ARHGEF33: variants seen among roughly 807,000 people sequenced by gnomAD.
ARHGEF33 encodes Rho guanine nucleotide exchange factor 33, also known as DH and coiled-coil domain-containing protein ENSP00000381780.
Under a neutral mutation model 101.9 loss-of-function variants are expected in ARHGEF33, and 72 were observed. That is an observed-to-expected ratio of 0.71 (90% confidence interval 0.58 to 0.86). The LOEUF is 0.86. Among genes scored for constraint, ARHGEF33 ranks in the 40% least tolerant of loss-of-function variants. The pLI, the probability that ARHGEF33 is intolerant of heterozygous loss-of-function variation, is 0.00. For synonymous variants in ARHGEF33, 499 were observed against 442.5 expected (o/e 1.13, Z -1.60); for missense variants, 1,169 against 1,111.3 (o/e 1.05, Z -0.74).
intron 8 of ARHGEF33, 21 bp from the exon 9 acceptor site, chr2:38,937,314 C>CGGGGGGGG: frequency 7.1e-6 from 2 of 281,680 alleles, no homozygotes; most frequent in Non-Finnish European, 1.4e-5. Context: ...TGTTTCCCCG[C>CGGGGGGGG]CCCTCCCCCC....
At chr2:38,948,317 C>T (rs1021088787) in intron 10 of ARHGEF33, among the ~76,000 whole-genome samples, 5 of 152,312 alleles carry the variant, frequency 3.3e-5, no homozygotes, top group South Asian at 2.1e-4. Flanking sequence ...TTCAATGTTT[C>T]GTATAGAATC....
At chr2:38,947,883 T>C (rs1309102457) in intron 10 of ARHGEF33, among the ~76,000 whole-genome samples, 1 of 152,176 alleles carries the variant, frequency 6.6e-6, no homozygotes, top group Non-Finnish European at 1.5e-5. Context: ...GGCGGGAACC[T>C]GCTACTGCCA....
chr2:38,954,408 G>GT lies in ARHGEF33; in HGVS notation c.1179dup (p.His394SerfsTer8), dbSNP rs1336642717. 1 of 1,551,098 alleles carries GT rather than the reference G, an allele frequency of 6.4e-7. No homozygotes were observed. The highest frequency in any genetic ancestry group is 8.7e-7 in the Non-Finnish European group (1 of 1,146,462). ...AGATTAAATCTGACATCTACACGTT[G>GT]TTTTTTCACATAGTCCAGCGCATCC... On this transcript the variant is annotated frameshift_variant, in exon 13 of 18. Coordinates refer to ENST00000409978, the MANE Select transcript of ARHGEF33 (RefSeq NM_001145451.5). LOFTEE classifies it high-confidence loss of function.
chr2:38,890,077 G>A, intron 1 of ARHGEF33, 91 bp downstream of exon 1: 1 of 263,480 alleles, frequency 3.8e-6, no homozygotes. Flanking sequence ...ACCACGTGGT[G>A]TACTAATTTA....
At chr2:38,967,465 T>C (rs893978356) in intron 17 of ARHGEF33, among the ~76,000 whole-genome samples, 4 of 152,228 alleles carry the variant, frequency 2.6e-5, no homozygotes, top group African/African-American at 2.4e-5. Context: ...TGTATTCCTC[T>C]TTCTAGGATC....
At chr2:38,918,719 A>T (rs893385831) in intron 2 of ARHGEF33, among the ~76,000 whole-genome samples, 1 of 152,118 alleles carries the variant, frequency 6.6e-6, no homozygotes, top group Non-Finnish European at 1.5e-5. Flanking sequence ...ATTGGCCTTC[A>T]TATCTGCTTA....
At chr2:38,972,828 T>C (rs149106421) in intron 17 of ARHGEF33, among the ~76,000 whole-genome samples, 1 of 152,336 alleles carries the variant, frequency 6.6e-6, no homozygotes, top group Non-Finnish European at 1.5e-5. Flanking sequence ...GTCAGTTGTA[T>C]AGAAGCTTTG....
At chr2:38,927,895 T>G (rs907835255) in intron 4 of ARHGEF33, among the ~76,000 whole-genome samples, 5 of 152,224 alleles carry the variant, frequency 3.3e-5, no homozygotes, top group African/African-American at 1.2e-4. Flanking sequence ...TTTCATTTGT[T>G]CAATAAATAC....
rs531604834 is a variant in ARHGEF33 at position 38,952,841 on chromosome 2, G to A, written c.1054-321G>A. Among the ~76,000 whole-genome samples, 19 of 152,156 alleles carry A rather than the reference G, an allele frequency of 1.2e-4. No individual in the cohort carries two copies. The South Asian group carries it at 4.0e-3, about 32-fold the overall frequency. The stretch of plus-strand genomic sequence containing the variant: ...AGCCTCCTGAGTAGCTGAGATTAGC[G>A]GCACCTGCCATCATGCCTGGCTAAT... On this transcript the variant is annotated intron_variant, in intron 11 of 17. Coordinates refer to ENST00000409978, the MANE Select transcript of ARHGEF33 (RefSeq NM_001145451.5).
At chr2:38,967,211 G>A (rs1207768403) in intron 17 of ARHGEF33, among the ~76,000 whole-genome samples, 1 of 152,212 alleles carries the variant, frequency 6.6e-6, no homozygotes, top group Non-Finnish European at 1.5e-5. Flanking sequence ...CTTTGTTTTT[G>A]CTGGTTTGTC....
At chr2:38,959,312 A>C (rs1456936471) in intron 15 of ARHGEF33, 1 of 152,216 alleles carries the variant, frequency 6.6e-6, no homozygotes, top group African/African-American at 2.4e-5. Context: ...AATATTTTAA[A>C]ATTTTTATTA....
intron 9 of ARHGEF33, among the ~76,000 whole-genome samples, chr2:38,938,332 G>T (rs528487699): frequency 2.6e-4 from 39 of 152,122 alleles, no homozygotes; most frequent in African/African-American, 9.4e-4. Context: ...CCCAGGAGTT[G>T]GAACCAGCCT....
intron 2 of ARHGEF33, among the ~76,000 whole-genome samples, chr2:38,902,507 A>G (rs1323876187): frequency 6.6e-6 from 1 of 152,170 alleles, no homozygotes; most frequent in East Asian, 1.9e-4. Flanking sequence ...CATTTTCCGT[A>G]TTTGTAAAGT....
Position 38,937,423 on chromosome 2 carries a change from C to G in ARHGEF33, c.654C>G (p.Gly218=). The G allele has an allele frequency of 6.5e-7, 1 of 1,544,904 alleles. No homozygotes were observed. Among genetic ancestry groups the G allele is most frequent in the Non-Finnish European group, 8.7e-7 (1 of 1,142,944 alleles). The part of the protein sequence containing the change: ...DIQSKGHLPS[G]MWRQPKDGKE... Reference sequence around the variant, plus strand: ...AGTCCAAGGGCCATCTCCCATCTGGCATGTGGAGGCAGCCTAAGGATGGTA... The same window carrying G: ...AGTCCAAGGGCCATCTCCCATCTGGGATGTGGAGGCAGCCTAAGGATGGTA... The change falls in exon 9 of 18, where the codon GGC becomes GGG. Residue 218 remains glycine (G), a synonymous_variant. Transcript: ENST00000409978.
chr2:38,920,893 C>T (rs933993433), intron 3 of ARHGEF33, among the ~76,000 whole-genome samples: 4 of 152,144 alleles, frequency 2.6e-5, no homozygotes, highest in Admixed American at 6.6e-5. Context: ...TTGGCAGTGA[C>T]AGCAGGGCAG....
At chr2:38,901,163 C>G (rs1572738931) in intron 2 of ARHGEF33, among the ~76,000 whole-genome samples, 2 of 152,206 alleles carry the variant, frequency 1.3e-5, no homozygotes, top group South Asian at 4.2e-4. Flanking sequence ...TATTTATTTA[C>G]TTATCTTACT....
At chr2:38,942,084 A>G (rs1667324505) in intron 9 of ARHGEF33, among the ~76,000 whole-genome samples, 1 of 148,024 alleles carries the variant, frequency 6.8e-6, no homozygotes, top group Admixed American at 6.7e-5. Context: ...ACTTCTACTA[A>G]TTTGATGTTG....
intron 2 of ARHGEF33, among the ~76,000 whole-genome samples, chr2:38,909,064 A>G (rs1226734049): frequency 6.6e-6 from 1 of 152,152 alleles, no homozygotes; most frequent in Non-Finnish European, 1.5e-5. Context: ...AGAAAGAGGA[A>G]TGAAACTCCG....
rs1218987303 is a variant in ARHGEF33 at position 38,954,380 on chromosome 2, A to G, written c.1145A>G (p.Glu382Gly). The G allele has an allele frequency of 3.9e-6, 6 of 1,544,582 alleles. No homozygotes were observed. The highest frequency in any genetic ancestry group is 5.3e-6 in the Non-Finnish European group (6 of 1,140,556). ...GACCTTTCTTTCATTCAGGGTGATG[A>G]AGAGATTAAATCTGACATCTACACG... Reference protein sequence around the residue: ...VHVVVLKEGDEEIKSDIYTLF... With the variant: ...VHVVVLKEGDGEIKSDIYTLF... Residue 382 changes from glutamate to glycine, a missense_variant, in exon 13 of 18, where the codon GAA (glutamate) becomes GGA (glycine). Transcript: ENST00000409978.
Sources: gnomAD v4.1 joint callset for allele counts (sites outside exome capture counted in the v4.1 genomes callset) on GRCh38, gnomAD v4.1.1 for gene constraint, MANE v1.5 for transcripts, NCBI Gene and HGNC (gene_info 2026-07-23, HGNC 2026-07-21) for gene names.